The following CDK15 variants were observed in gnomAD, a reference collection of about 807,000 sequenced individuals.
CDK15 encodes the protein cyclin dependent kinase 15.
In CDK15, 62 loss-of-function variants were observed where a neutral mutation model predicts 60.3. That is an observed-to-expected ratio of 1.03 (90% CI 0.84 to 1.27). CDK15 has a LOEUF of 1.27. CDK15 is among the 50% of genes most tolerant of loss of function. The pLI is 0.00. For missense variants in CDK15, 541 were observed against 527.8 expected (o/e 1.03, Z -0.25); for synonymous variants, 194 against 195.7 (o/e 0.99, Z 0.07).
intron 12 of CDK15, among the ~76,000 whole-genome samples, chr2:201,889,642 C>A (rs1699573727): frequency 6.6e-6 from 1 of 152,176 alleles, no homozygotes; most frequent in Admixed American, 6.5e-5. Context: ...AAAATGCGAA[C>A]TGCCAGTATT....
chr2:201,806,918 C>A, intron 1 of CDK15, 131 bp downstream of exon 1: 1 of 1,096,718 alleles, frequency 9.1e-7, no homozygotes, highest in East Asian at 2.8e-5. Flanking sequence ...CTATTAAAGT[C>A]ACAGAAAATT....
Position 201,806,670 on chromosome 2 carries a change from T to G in CDK15, c.6T>G (p.Gly2=). 2 of 1,593,818 alleles carry G rather than the reference T, an allele frequency of 1.3e-6. No homozygotes were observed. Among genetic ancestry groups the G allele is most frequent in the Non-Finnish European group, 1.7e-6 (2 of 1,177,466 alleles). ...CTCCTTGAACCTACAAGATTATGGG[T>G]CAAGAGCTGTGTGCAAAGACTGTAC... The part of the protein sequence containing the change: M[G]QELCAKTVQP... Residue 2 remains glycine (G), a synonymous_variant, in exon 1 of 14, where the codon GGT becomes GGG. Coordinates refer to ENST00000652192, the MANE Select transcript of CDK15 (RefSeq NM_001366386.2).
In CDK15 at chr2:201,833,849, T is replaced by C; in HGVS notation, c.608T>C (p.Leu203Pro). ...PGGLHPHNVR[L>P]FMFQLLRGLA... ...ATGGATAGTGTTTCTTCCTTCCAGC[T>C]TTTCATGTTTCAACTTTTGCGGGGC... Residue 203 changes from leucine (L) to proline (P), a missense_variant and splice_region_variant, in exon 7 of 14, where the codon CTT (leucine) becomes CCT (proline). Physicochemically the swap from Leu to Pro is moderately conservative, Grantham distance 98. Transcript: ENST00000652192. 6.2e-7 allele frequency: 1 copy of C among 1,613,598 alleles called. No homozygotes were observed. The highest frequency in any genetic ancestry group is 1.1e-5 in the South Asian group (1 of 91,010).
intron 10 of CDK15, among the ~76,000 whole-genome samples, chr2:201,870,053 A>G (rs1175719583): frequency 6.6e-6 from 1 of 152,234 alleles, no homozygotes; most frequent in Non-Finnish European, 1.5e-5. Context: ...AGAGGTCCAC[A>G]TTTGATTGCG....
Position 201,806,644 on chromosome 2 carries a change from TC to T in CDK15, c.-20del. ...GGGGGAAAGGTTCAAGTGCGGGTTT[TC>T]TCCTTGAACCTACAAGATTATGGGT... On this transcript the variant is annotated 5_prime_UTR_variant, in exon 1 of 14. Coordinates refer to ENST00000652192, the MANE Select transcript of CDK15 (RefSeq NM_001366386.2). 6.4e-7 allele frequency: 1 copy of T among 1,566,456 alleles called. No homozygotes were observed. Among genetic ancestry groups the T allele is most frequent in the Non-Finnish European group, 8.6e-7 (1 of 1,159,088 alleles).
chr2:201,833,488 C>T (rs886317986), intron 6 of CDK15, among the ~76,000 whole-genome samples: 20 of 151,868 alleles, frequency 1.3e-4, no homozygotes, highest in African/African-American at 4.4e-4. Context: ...CCAAGTTCAT[C>T]GGTGGGGAAA....
intron 7 of CDK15, among the ~76,000 whole-genome samples, chr2:201,834,264 A>G (rs572287133): frequency 2.0e-5 from 3 of 152,164 alleles, no homozygotes; most frequent in Non-Finnish European, 4.4e-5. Context: ...TGTACTTAGT[A>G]AGTTTTCCTA....
At chr2:201,863,296 GA>G (rs1194276546) in intron 10 of CDK15, among the ~76,000 whole-genome samples, 9 of 152,008 alleles carry the variant, frequency 5.9e-5, no homozygotes, top group Non-Finnish European at 1.0e-4. Context: ...AAGTAATTAA[GA>G]TTAGGAAAAA....
At chr2:201,815,043 C>T (rs573940612) in intron 4 of CDK15, among the ~76,000 whole-genome samples, 2 of 150,722 alleles carry the variant, frequency 1.3e-5, no homozygotes, top group African/African-American at 2.4e-5. Context: ...CCTCTGCCTT[C>T]GGGGTTCAAG....
chr2:201,810,807 A>G (rs1488378559), intron 3 of CDK15, among the ~76,000 whole-genome samples: 1 of 151,792 alleles, frequency 6.6e-6, no homozygotes, highest in Non-Finnish European at 1.5e-5. Context: ...TCAACATCAA[A>G]AGTCATAAAT....
chr2:201,875,684 A>G (rs1574932288), intron 11 of CDK15, among the ~76,000 whole-genome samples: 2 of 152,344 alleles, frequency 1.3e-5, no homozygotes, highest in South Asian at 4.1e-4. Flanking sequence ...AGGTAGTTCA[A>G]TGGAAAAAGT....
At chr2:201,824,808 A>T (rs1447555989) in intron 6 of CDK15, 4 of 679,206 alleles carry the variant, frequency 5.9e-6, no homozygotes, top group South Asian at 4.9e-5. Context: ...ACCCTCAGCC[A>T]TCTGAAGGAC....
At chr2:201,854,967 T>C (rs375313182) in intron 10 of CDK15, 30 bp downstream of exon 10, 60 of 1,603,576 alleles carry the variant, frequency 3.7e-5, no homozygotes, top group Non-Finnish European at 5.0e-5. Flanking sequence ...CTGAATACTC[T>C]GAGAATTAGT....
chr2:201,849,952 C>A (rs1014561442), intron 9 of CDK15, among the ~76,000 whole-genome samples: 2 of 152,016 alleles, frequency 1.3e-5, no homozygotes, highest in Non-Finnish European at 2.9e-5. Context: ...AGCCTCCTGA[C>A]TAGCTGGAAT....
chr2:201,881,735 C>T (rs533106282), intron 12 of CDK15, among the ~76,000 whole-genome samples: 28 of 152,222 alleles, frequency 1.8e-4, no homozygotes, highest in African/African-American at 6.3e-4. Flanking sequence ...TTTCCTGGTA[C>T]CTCTGCCCCC....
chr2:201,845,964 T>G (rs1574894443), intron 8 of CDK15, among the ~76,000 whole-genome samples: 1 of 152,106 alleles, frequency 6.6e-6, no homozygotes, highest in East Asian at 1.9e-4. Flanking sequence ...TTTGCTAAGA[T>G]TTATTAGCAA....
intron 6 of CDK15, chr2:201,824,852 C>A: frequency 1.6e-6 from 1 of 607,856 alleles, no homozygotes; most frequent in Non-Finnish European, 2.3e-6. Flanking sequence ...AGAAAAACCA[C>A]AGGCCCTTCC....
At chr2:201,819,136 T>C (rs1243317180) in intron 4 of CDK15, among the ~76,000 whole-genome samples, 1 of 149,540 alleles carries the variant, frequency 6.7e-6, no homozygotes, top group Non-Finnish European at 1.5e-5. Flanking sequence ...GGGGTAGAGG[T>C]GGGATGGGGT....
chr2:201,814,103 T>C (rs1021787273), intron 4 of CDK15, among the ~76,000 whole-genome samples: 1 of 152,250 alleles, frequency 6.6e-6, no homozygotes, highest in African/African-American at 2.4e-5. Flanking sequence ...TGCTTAAGAT[T>C]GGCTTTGCTT....
Sources: gnomAD v4.1 joint callset for allele counts (sites outside exome capture counted in the v4.1 genomes callset) on GRCh38, gnomAD v4.1.1 for gene constraint, MANE v1.5 for transcripts, NCBI Gene and HGNC (gene_info 2026-07-23, HGNC 2026-07-21) for gene names.